The following ADGRG5 variants were observed in gnomAD, a reference collection of about 807,000 sequenced individuals.
ADGRG5 encodes the protein G protein-coupled receptor 114.
A neutral mutation model predicts 53.2 loss-of-function variants in ADGRG5; 37 were observed. The observed-to-expected ratio is 0.70, with a 90% CI of 0.53 to 0.91. The LOEUF is 0.91. ADGRG5 is among the 40% of genes least tolerant of loss of function. The probability of loss-of-function intolerance (pLI) is 0.00; values close to 1 mark genes in which losing one functional copy is unlikely to be tolerated. For synonymous variants in ADGRG5, 277 were observed against 290.4 expected, an observed-to-expected ratio of 0.95 and a Z score of 0.47; for missense variants, 614 against 675.8, an observed-to-expected ratio of 0.91 and a Z score of 1.01.
rs779361384 is a variant in ADGRG5, at chr16:57,574,337, G to A, written c.1209-478G>A. On this transcript the variant is annotated intron_variant, in intron 10 of 11. Coordinates refer to ENST00000349457, the MANE Select transcript of ADGRG5 (RefSeq NM_001304376.3). The surrounding 1 kb of genome is among the most constrained non-coding windows in gnomAD (Gnocchi z 4.4). Reference sequence around the variant, plus strand: ...CTCCAGCGCAGGCCTTGGTGGCCCCGTCTAGGTGGGGAGTGGCTCCTGGGG... The same window carrying A: ...CTCCAGCGCAGGCCTTGGTGGCCCCATCTAGGTGGGGAGTGGCTCCTGGGG... Among the ~76,000 whole-genome samples, 27 of 152,230 alleles carry A rather than the reference G, an allele frequency of 1.8e-4. No homozygotes were observed. Among genetic ancestry groups the A allele is most frequent in the Non-Finnish European group, 2.8e-4 (19 of 68,048 alleles).
intron 9 of ADGRG5, among the ~76,000 whole-genome samples, chr16:57,568,680 C>T (rs1215339268): frequency 3.3e-5 from 5 of 151,648 alleles, no homozygotes; most frequent in African/African-American, 9.7e-5. Flanking sequence ...CCACCACCAC[C>T]TCCTCCACCT....
chr16:57,568,317 C>A (rs1383773427), intron 9 of ADGRG5, among the ~76,000 whole-genome samples, 193 bp downstream of exon 9: 1 of 152,036 alleles, frequency 6.6e-6, no homozygotes, highest in Non-Finnish European at 1.5e-5. Context: ...CCATCATCAT[C>A]ATCGTCACCT....
chr16:57,559,325 C>T (rs1316657315), intron 1 of ADGRG5, among the ~76,000 whole-genome samples: 2 of 152,190 alleles, frequency 1.3e-5, no homozygotes, highest in African/African-American at 4.8e-5. Context: ...CAATTACCAC[C>T]TTGCACTCAT....
rs547848008 is a variant in ADGRG5, at chr16:57,563,723, G to T, written c.298-125G>T. ...GAAGTTTGGGAGGAGATGCAGCCTG[G>T]GGGGAGAAGGTTCTGTGGGTGGAAA... is the stretch of plus-strand genomic sequence containing the variant. On this transcript the variant is annotated intron_variant, in intron 4 of 11. Coordinates refer to ENST00000349457, the MANE Select transcript of ADGRG5 (RefSeq NM_001304376.3). 1.0e-4 allele frequency: 127 copies of T among 1,226,480 alleles called. 1 individual carries two copies. In the South Asian group the frequency reaches 1.4e-3, roughly 13 times the overall value. The allele number at this position is 1,226,480 out of a possible 1,614,324, so 76.0% of individuals were successfully genotyped here.
In ADGRG5 at chr16:57,567,548, A is replaced by C. The variant is rs745466141; in HGVS notation, c.778A>C (p.Ile260Leu). 1 of 1,611,808 alleles carries C rather than the reference A, an allele frequency of 6.2e-7. No individual in the cohort carries two copies. The highest frequency in any genetic ancestry group is 8.5e-7 in the Non-Finnish European group (1 of 1,179,862). Reference sequence around the variant, plus strand: ...CTCCCTCGTGGGCTGCAGCATCTCCATCGTGGCCTCGCTGATCACAGTCCT... The same window carrying C: ...CTCCCTCGTGGGCTGCAGCATCTCCCTCGTGGCCTCGCTGATCACAGTCCT... ...YISLVGCSIS[I>L]VASLITVLLH... Residue 260 changes from isoleucine (I) to leucine (L), a missense_variant, in exon 8 of 12, where the codon ATC becomes CTC. Transcript: ENST00000349457.
At chr16:57,537,486 C>G in the ADGRG5 span, among the ~76,000 whole-genome samples, 3 of 152,182 alleles carry the variant, frequency 2.0e-5, no homozygotes, top group Admixed American at 6.5e-5. Context: ...TAAAATGAAC[C>G]AAGAATGAAT....
intron 1 of ADGRG5, among the ~76,000 whole-genome samples, chr16:57,557,597 A>G (rs952466972): frequency 6.6e-6 from 1 of 151,924 alleles, no homozygotes; most frequent in Admixed American, 6.6e-5. Context: ...TTTAGCTAGG[A>G]TTCCAGTTAC....
the ADGRG5 span, among the ~76,000 whole-genome samples, chr16:57,531,694 T>C: frequency 7.9e-5 from 12 of 152,164 alleles, no homozygotes; most frequent in Admixed American, 7.9e-4. Context: ...CGCAAGCCAC[T>C]GATCCCACCA....
chr16:57,543,737 C>T (rs1356596713), intron 1 of ADGRG5, among the ~76,000 whole-genome samples: 5 of 151,936 alleles, frequency 3.3e-5, no homozygotes, highest in African/African-American at 9.7e-5. Context: ...AGGTGGGCTT[C>T]GGGGGTGCAT....
At position 57,575,491 on chromosome 16, in the gene ADGRG5, G is replaced by A; in HGVS notation, c.1540G>A (p.Ala514Thr). 2 of 1,614,186 alleles carry A rather than the reference G, an allele frequency of 1.2e-6. No homozygotes were observed. Among genetic ancestry groups the A allele is most frequent in the Non-Finnish European group, 1.7e-6 (2 of 1,180,008 alleles). ...CCAGCGGTGCCGCTCAGAAGCAGAG[G>A]CCAAGGCACAGATAGAGGCCTTCAG... ...CSQRCRSEAE[A>T]KAQIEAFSSS... is the part of the protein sequence containing the mutation. Residue 514 changes from alanine to threonine, a missense_variant, in exon 12 of 12, where the codon GCC becomes ACC. Ala to Thr is a moderately conservative substitution (Grantham distance 58). Coordinates refer to ENST00000349457, the MANE Select transcript of ADGRG5 (RefSeq NM_001304376.3).
At chr16:57,548,166 C>G (rs2032663314) in intron 1 of ADGRG5, among the ~76,000 whole-genome samples, 1 of 143,602 alleles carries the variant, frequency 7.0e-6, no homozygotes, top group Non-Finnish European at 1.5e-5. Context: ...TGGTGCCTGG[C>G]TATACACATC....
intron 1 of ADGRG5, among the ~76,000 whole-genome samples, chr16:57,555,642 G>A (rs1441908866): frequency 6.6e-6 from 1 of 152,098 alleles, no homozygotes; most frequent in Non-Finnish European, 1.5e-5. Context: ...GTTATTAGGT[G>A]CACACACATT....
the ADGRG5 span, chr16:57,529,233 C>A: frequency 9.4e-4 from 1,068 of 1,138,124 alleles, 24 homozygotes; most frequent in Admixed American, 0.025. This position sits in a 1 kb window ranked among gnomAD's most constrained non-coding sequence, Gnocchi z 4.1. Flanking sequence ...GGGGCGGCTC[C>A]GGGGACGCGC....
the ADGRG5 span, among the ~76,000 whole-genome samples, chr16:57,534,910 C>T: frequency 2.6e-5 from 4 of 152,212 alleles, no homozygotes; most frequent in Admixed American, 6.5e-5. Context: ...TTGTCCTCAG[C>T]ATGTTTGGAT....
At chr16:57,532,184 C>T in the ADGRG5 span, among the ~76,000 whole-genome samples, 16 of 152,240 alleles carry the variant, frequency 1.1e-4, no homozygotes, top group East Asian at 7.7e-4. Flanking sequence ...GCCCTATACC[C>T]GAGAGAGTCA....
At chr16:57,543,439 T>C (rs1322491076) in intron 1 of ADGRG5, among the ~76,000 whole-genome samples, 2 of 152,098 alleles carry the variant, frequency 1.3e-5, no homozygotes, top group Non-Finnish European at 2.9e-5. Context: ...CCAGCCAGCA[T>C]GCCTGGCTAA....
the ADGRG5 span, among the ~76,000 whole-genome samples, chr16:57,532,712 C>G: frequency 2.6e-5 from 4 of 151,278 alleles, no homozygotes; most frequent in African/African-American, 9.7e-5. Flanking sequence ...CACACACACA[C>G]ACACACACAC....
intron 1 of ADGRG5, 61 bp from the exon 2 acceptor site, chr16:57,561,995 G>T: frequency 1.1e-6 from 1 of 889,322 alleles, no homozygotes; most frequent in South Asian, 1.9e-5. Context: ...GGACATGCCA[G>T]ACACCTAGAA....
At chr16:57,539,453 C>CTTT (rs375117285), upstream of ADGRG5, among the ~76,000 whole-genome samples, 42 of 108,766 alleles carry the variant, frequency 3.9e-4, 9 homozygotes, top group South Asian at 3.6e-4. Flanking sequence ...GCACTGTACC[C>CTTT]CTTTTTTTTT....
Sources: allele counts gnomAD v4.1 joint callset (sites outside exome capture counted in the v4.1 genomes callset), GRCh38; gene constraint gnomAD v4.1.1; non-coding constraint Gnocchi (gnomAD v3.1); transcripts MANE v1.5; gene names NCBI Gene and HGNC (gene_info 2026-07-23, HGNC 2026-07-21).